The following ERBB4 variants were observed in gnomAD, a reference collection of about 807,000 sequenced individuals.
The protein encoded by ERBB4 is receptor tyrosine-protein kinase erbB-4.
ERBB4 carries 42 observed loss-of-function variants against 158.0 expected under a neutral mutation model. The observed-to-expected ratio is 0.27, with a 90% CI of 0.21 to 0.34. The LOEUF (loss-of-function observed/expected upper bound fraction) is 0.34. Ranked by LOEUF, ERBB4 falls within the 10% of genes least tolerant of loss-of-function variation. The pLI is 1.00. For missense variants in ERBB4, 1,333 were observed against 1,624.1 expected (o/e 0.82, Z 3.08); for synonymous variants, 583 against 558.7 (o/e 1.04, Z -0.61).
chr2:212,257,739 T>C (rs1008709374), intron 1 of ERBB4, among the ~76,000 whole-genome samples: 1 of 152,148 alleles, frequency 6.6e-6, no homozygotes, highest in African/African-American at 2.4e-5. Flanking sequence ...TAAACAAACT[T>C]CTTTGCACTT....
intron 2 of ERBB4, among the ~76,000 whole-genome samples, chr2:212,089,419 C>T (rs370929036): frequency 1.3e-5 from 2 of 151,970 alleles, no homozygotes; most frequent in East Asian, 3.9e-4. Flanking sequence ...GATTTGTGTC[C>T]CCACTGAAAT....
chr2:211,656,602 C>T (rs1036554535), intron 16 of ERBB4, among the ~76,000 whole-genome samples: 1 of 152,182 alleles, frequency 6.6e-6, no homozygotes, highest in African/African-American at 2.4e-5. Flanking sequence ...GTTCCATTAT[C>T]TCCTCAAATT....
intron 1 of ERBB4, among the ~76,000 whole-genome samples, chr2:212,143,724 G>A (rs781111251): frequency 2.0e-5 from 3 of 152,100 alleles, no homozygotes; most frequent in Non-Finnish European, 4.4e-5. Context: ...TCCAATGGAA[G>A]TTAATTAGAT....
At chr2:212,103,343 T>C (rs972493130) in intron 2 of ERBB4, among the ~76,000 whole-genome samples, 1 of 152,068 alleles carries the variant, frequency 6.6e-6, no homozygotes, top group Non-Finnish European at 1.5e-5. Context: ...GCATTTATAA[T>C]TTAAAATTAT....
chr2:212,446,608 T>TATATATA (rs2092359071), intron 1 of ERBB4, among the ~76,000 whole-genome samples: 1 of 44,288 alleles, frequency 2.3e-5, no homozygotes, highest in South Asian at 8.0e-4. Flanking sequence ...TATATATATA[T>TATATATA]ATATATATAT....
At chr2:211,794,593 T>C (rs1211353467) in intron 3 of ERBB4, among the ~76,000 whole-genome samples, 5 of 151,952 alleles carry the variant, frequency 3.3e-5, no homozygotes, top group African/African-American at 1.2e-4. Context: ...ATGTTAGTGA[T>C]ATGCACTAGA....
intron 1 of ERBB4, among the ~76,000 whole-genome samples, chr2:212,485,519 A>G (rs1689925566): frequency 6.6e-6 from 1 of 152,228 alleles, no homozygotes; most frequent in South Asian, 2.1e-4. Context: ...TAGAAACTGG[A>G]TGACAGCAGC....
At chr2:211,501,201 T>G (rs934140006) in intron 20 of ERBB4, among the ~76,000 whole-genome samples, 1 of 151,918 alleles carries the variant, frequency 6.6e-6, no homozygotes, top group South Asian at 2.1e-4. Context: ...GAAGAAAGAT[T>G]TATAAAATAA....
At chr2:212,152,146 G>A (rs928171037) in intron 1 of ERBB4, among the ~76,000 whole-genome samples, 1 of 152,010 alleles carries the variant, frequency 6.6e-6, no homozygotes, top group Non-Finnish European at 1.5e-5. Flanking sequence ...AGAATTCTCA[G>A]TTTTTATAAA....
At chr2:212,026,462 CA>C (rs966965105) in intron 2 of ERBB4, among the ~76,000 whole-genome samples, 61 of 151,844 alleles carry the variant, frequency 4.0e-4, no homozygotes, top group African/African-American at 1.4e-3. Context: ...AGTGTATGAA[CA>C]AATTCGTCAC....
At position 211,439,450 on chromosome 2, in the gene ERBB4, A is replaced by G. The variant is rs115833325; in HGVS notation, c.2488-8350T>C. 5.8e-3 allele frequency among the ~76,000 whole-genome samples: 883 copies of G among 152,328 alleles called. 6 individuals carry two copies. The highest frequency in any genetic ancestry group is 9.5e-3 in the Non-Finnish European group (644 of 68,012). On this transcript the variant is annotated intron_variant, in intron 20 of 27. Coordinates refer to ENST00000342788, the MANE Select transcript of ERBB4 (RefSeq NM_005235.3). ...AAGGAAGTGTTTTCACTGGATTCAT[A>G]GAGCACCCATTTTCAAGATTACATT...
chr2:211,955,894 A>G (rs1312565435), intron 2 of ERBB4, among the ~76,000 whole-genome samples: 1 of 152,130 alleles, frequency 6.6e-6, no homozygotes, highest in Admixed American at 6.6e-5. Flanking sequence ...TAATTTGTCT[A>G]AAGTTTTTCT....
At chr2:211,430,862 T>G in intron 21 of ERBB4, 83 bp downstream of exon 21, 1 of 1,200,164 alleles carries the variant, frequency 8.3e-7, no homozygotes, top group Non-Finnish European at 1.2e-6. Flanking sequence ...TTCAGGCTTA[T>G]TGGTTTCTTG....
In ERBB4 at chr2:212,124,721, A is replaced by C. The variant is rs768788558; in HGVS notation, c.234+31T>G. ...TGCATCATGACGCCACTGTCCATTCACAAAGAAGAGAAAGAAAGCCACAGC... is the reference window on the plus strand; with the variant it reads ...TGCATCATGACGCCACTGTCCATTCCCAAAGAAGAGAAAGAAAGCCACAGC... On this transcript the variant is annotated intron_variant, in intron 2 of 27. Coordinates refer to ENST00000342788, the MANE Select transcript of ERBB4 (RefSeq NM_005235.3). The C allele has an allele frequency of 3.7e-6, 6 of 1,613,474 alleles. No individual in the cohort carries two copies. The South Asian group carries it at 6.6e-5, about 18-fold the overall frequency.
intron 2 of ERBB4, among the ~76,000 whole-genome samples, chr2:212,086,091 C>A (rs1056088754): frequency 6.6e-6 from 1 of 151,916 alleles, no homozygotes; most frequent in Non-Finnish European, 1.5e-5. Flanking sequence ...CTCAAGGTGA[C>A]TCAACCTCCT....
chr2:212,166,173 C>T (rs957504822), intron 1 of ERBB4, among the ~76,000 whole-genome samples: 2 of 151,974 alleles, frequency 1.3e-5, no homozygotes, highest in African/African-American at 4.8e-5. Flanking sequence ...AAAATAGACA[C>T]AGTCCCTGAC....
intron 1 of ERBB4, among the ~76,000 whole-genome samples, chr2:212,243,467 T>A (rs906198224): frequency 6.6e-6 from 1 of 152,210 alleles, no homozygotes; most frequent in South Asian, 2.1e-4. Context: ...CTATCATATC[T>A]GTAAATTTTT....
intron 20 of ERBB4, among the ~76,000 whole-genome samples, chr2:211,449,531 CAT>C (rs2064191598): frequency 2.6e-5 from 4 of 152,124 alleles, no homozygotes; most frequent in Admixed American, 2.6e-4. Flanking sequence ...ACTCAATAGA[CAT>C]AGTTCATATG....
In ERBB4 at chr2:211,991,685, C is replaced by A. The variant is rs942470059; in HGVS notation, c.235-44069G>T. ...TTGGCCTACCTAGGATAGAAAAGAT[C>A]ATTTAGTTGCTCATTTAGGCTTATC... On this transcript the variant is annotated intron_variant, in intron 2 of 27. Transcript: ENST00000342788. 4.6e-5 allele frequency among the ~76,000 whole-genome samples: 7 copies of A among 152,162 alleles called. 1 individual carries two copies. The South Asian group carries it at 1.2e-3, about 27-fold the overall frequency.
Sources: gnomAD v4.1 joint callset for allele counts (sites outside exome capture counted in the v4.1 genomes callset) on GRCh38, gnomAD v4.1.1 for gene constraint, MANE v1.5 for transcripts, NCBI Gene and HGNC (gene_info 2026-07-23, HGNC 2026-07-21) for gene names.